Variants in UBE2G1 observed in about 807,000 individuals in gnomAD.
UBE2G1 encodes ubiquitin conjugating enzyme E2 G1, also known as ubiquitin-conjugating enzyme E2 G1.
Under a neutral mutation model 22.7 loss-of-function variants are expected in UBE2G1, and 5 were observed. That is an observed-to-expected ratio of 0.22 (90% CI 0.12 to 0.46). UBE2G1 has a LOEUF of 0.46. Ranked by LOEUF, UBE2G1 falls within the 20% of genes least tolerant of loss-of-function variation. The pLI, the probability that UBE2G1 is intolerant of heterozygous loss-of-function variation, is 0.99. For synonymous variants in UBE2G1, 74 were observed against 67.5 expected (o/e 1.10, Z -0.47); for missense variants, 88 against 203.9 (o/e 0.43, Z 3.46).
chr17:4,350,997 C>T (rs928814916), intron 1 of UBE2G1, among the ~76,000 whole-genome samples: 1 of 150,418 alleles, frequency 6.6e-6, no homozygotes, highest in Non-Finnish European at 1.5e-5. Flanking sequence ...CTCACCACTG[C>T]ACTCCAGCCT....
intron 1 of UBE2G1, 135 bp downstream of exon 1, chr17:4,366,136 A>G: frequency 3.4e-6 from 3 of 888,974 alleles, no homozygotes; most frequent in Non-Finnish European, 4.7e-6. Context: ...CCGGGACCGG[A>G]GCCTCGAGGT....
rs150917099 is a variant in UBE2G1 at position 4,353,462 on chromosome 17, T to TACACACAC, written c.46+12801_46+12808dup. On this transcript the variant is annotated intron_variant, in intron 1 of 5. Transcript: ENST00000396981. ...AGAGTTTCGTTGATATATATATATA[T>TACACACAC]ACACACACACACACACACACACATA... is the stretch of plus-strand genomic sequence containing the variant. Among the ~76,000 whole-genome samples, 83 of 148,196 alleles carry TACACACAC rather than the reference T, an allele frequency of 5.6e-4. No homozygotes were observed. The Middle Eastern group carries it at 0.017, about 31-fold the overall frequency.
rs71144178 is a variant in UBE2G1, at chr17:4,280,336, C to CTT, written c.*37+2460_*37+2461dup. On this transcript the variant is annotated intron_variant, in intron 5 of 5. Transcript: ENST00000396981. ...ACAAGTGTGAGCCGCGGCACCTGGG[C>CTT]TTTTTTTTTTTTTTTTTTTTTTTTT... Among the ~76,000 whole-genome samples, 8 of 68,982 alleles carry CTT rather than the reference C, an allele frequency of 1.2e-4. 2 individuals are homozygous for CTT. The highest frequency in any genetic ancestry group is 5.3e-4 in the African/African-American group (8 of 15,220). 45.3% of individuals were successfully genotyped at this position (68,982 alleles called of 152,430 possible).
chr17:4,292,900 T>C (rs1304212535), intron 3 of UBE2G1, among the ~76,000 whole-genome samples: 1 of 152,204 alleles, frequency 6.6e-6, no homozygotes, highest in Non-Finnish European at 1.5e-5. Context: ...GTGTAGCAAG[T>C]ATACCTCAAG....
At chr17:4,278,611 C>T (rs1347767172) in intron 5 of UBE2G1, among the ~76,000 whole-genome samples, 1 of 152,148 alleles carries the variant, frequency 6.6e-6, no homozygotes, top group Non-Finnish European at 1.5e-5. Context: ...TGTTAGAACA[C>T]ATTAGTGATT....
At chr17:4,340,577 C>T (rs984110729) in intron 1 of UBE2G1, among the ~76,000 whole-genome samples, 1 of 152,098 alleles carries the variant, frequency 6.6e-6, no homozygotes, top group African/African-American at 2.4e-5. Flanking sequence ...TTCCCCGCTT[C>T]GCACTGCACT....
At chr17:4,309,066 C>T (rs1969278831) in intron 1 of UBE2G1, among the ~76,000 whole-genome samples, 2 of 152,148 alleles carry the variant, frequency 1.3e-5, no homozygotes, top group Non-Finnish European at 1.5e-5. Context: ...TCAAGACCAG[C>T]CTGGCCAACA....
intron 1 of UBE2G1, chr17:4,335,247 G>A (rs547308875): frequency 6.6e-6 from 1 of 152,074 alleles, no homozygotes; most frequent in Non-Finnish European, 1.5e-5. Context: ...CACCAAGACC[G>A]AGTTATATCC....
chr17:4,290,575 G>T (rs866901035), intron 3 of UBE2G1, among the ~76,000 whole-genome samples: 1 of 151,688 alleles, frequency 6.6e-6, no homozygotes, highest in African/African-American at 2.4e-5. Context: ...AGGCTCAAAC[G>T]ATCCTCCTGC....
chr17:4,340,513 G>A (rs1372431279), intron 1 of UBE2G1, among the ~76,000 whole-genome samples: 1 of 152,136 alleles, frequency 6.6e-6, no homozygotes, highest in Admixed American at 6.6e-5. Context: ...ATTCACCCAT[G>A]CTGTTCTCGT....
At chr17:4,328,020 C>T (rs1321780770) in intron 1 of UBE2G1, among the ~76,000 whole-genome samples, 2 of 152,028 alleles carry the variant, frequency 1.3e-5, no homozygotes, top group East Asian at 3.9e-4. Flanking sequence ...CCATTTTGGC[C>T]CATGTGCAGT....
chr17:4,356,252 G>A (rs1293653148), intron 1 of UBE2G1, among the ~76,000 whole-genome samples: 1 of 151,558 alleles, frequency 6.6e-6, no homozygotes, highest in Non-Finnish European at 1.5e-5. Context: ...CAGCTACTCG[G>A]GAGGCTGAGG....
At chr17:4,330,979 C>CAA (rs1393021142) in intron 1 of UBE2G1, among the ~76,000 whole-genome samples, 1 of 144,898 alleles carries the variant, frequency 6.9e-6, no homozygotes, top group Non-Finnish European at 1.5e-5. Context: ...TTTAAAACCA[C>CAA]ACACACACAC....
chr17:4,357,695 A>G (rs1313586451), intron 1 of UBE2G1, among the ~76,000 whole-genome samples: 1 of 152,110 alleles, frequency 6.6e-6, no homozygotes, highest in East Asian at 1.9e-4. Context: ...TGTCATTTCA[A>G]GAATTTTATA....
chr17:4,347,348 G>A (rs1469716189), intron 1 of UBE2G1, among the ~76,000 whole-genome samples: 2 of 151,416 alleles, frequency 1.3e-5, no homozygotes, highest in South Asian at 2.1e-4. Context: ...ATGCACTTCA[G>A]TTACTGTGTT....
At chr17:4,363,950 C>CAAAAAAAA (rs1195720643) in intron 1 of UBE2G1, among the ~76,000 whole-genome samples, 56 of 43,906 alleles carry the variant, frequency 1.3e-3, no homozygotes, top group African/African-American at 4.6e-3. Context: ...GACTCCGTCT[C>CAAAAAAAA]AAAAAAAAAA....
Position 4,269,789 on chromosome 17 carries a change from A to G in UBE2G1, c.*2765T>C, listed in dbSNP as rs1968730296. On this transcript the variant is annotated 3_prime_UTR_variant, in exon 6 of 6. Transcript: ENST00000396981. ...TTAGGAAACAGCCAACAGTTCTACA[A>G]TCCATAAGATCTATGGAGATGTTGT... 1 of 185,544 alleles carries G rather than the reference A, an allele frequency of 5.4e-6. No individual in the cohort carries two copies. The highest frequency in any genetic ancestry group is 2.4e-5 in the African/African-American group (1 of 41,552). The allele number at this position is 185,544 out of a possible 1,614,324, so 11.5% of individuals were successfully genotyped here. A position where few individuals can be genotyped will look rare whatever the true frequency, so the allele number is the denominator to read the frequency against.
In UBE2G1 at chr17:4,271,254, TTA is replaced by T. The variant is rs1385971009; in HGVS notation, c.*1298_*1299del. 9.8e-5 allele frequency: 15 copies of T among 152,672 alleles called. No individual in the cohort carries two copies. The highest frequency in any genetic ancestry group is 3.1e-4 in the African/African-American group (13 of 41,468). The allele number at this position is 152,672 out of a possible 1,614,324, so 9.5% of individuals were successfully genotyped here. A position where few individuals can be genotyped will look rare whatever the true frequency, so the allele number is the denominator to read the frequency against. Reference sequence around the variant, plus strand: ...CAAAGCATTTACCCCTGTAATGCTTTTAGATTCACAGAAGAATCTAGATAGAA... The same window carrying T: ...CAAAGCATTTACCCCTGTAATGCTTTGATTCACAGAAGAATCTAGATAGAA... On this transcript the variant is annotated 3_prime_UTR_variant, in exon 6 of 6. Coordinates refer to ENST00000396981, the MANE Select transcript of UBE2G1 (RefSeq NM_003342.5).
intron 1 of UBE2G1, among the ~76,000 whole-genome samples, chr17:4,332,625 T>A (rs1969591890): frequency 6.6e-6 from 1 of 151,964 alleles, no homozygotes; most frequent in Admixed American, 6.6e-5. Context: ...CGCAGGGGCT[T>A]TAACCAGCAT....
Sources: gnomAD v4.1 joint callset for allele counts (sites outside exome capture counted in the v4.1 genomes callset) on GRCh38, gnomAD v4.1.1 for gene constraint, MANE v1.5 for transcripts, NCBI Gene and HGNC (gene_info 2026-07-23, HGNC 2026-07-21) for gene names.